Variants in CD226 observed in about 807,000 individuals in gnomAD.
The protein encoded by CD226 is CD226 antigen.
A neutral mutation model predicts 34.9 loss-of-function variants in CD226; 24 were observed. The observed-to-expected ratio is 0.69, with a 90% confidence interval of 0.50 to 0.97. The LOEUF is 0.97. Among genes scored for constraint, CD226 ranks in the 50% least tolerant of loss-of-function variants. The pLI is 0.00. For synonymous variants in CD226, 148 were observed against 147.4 expected (o/e 1.00, Z -0.03); for missense variants, 397 against 412.7 (o/e 0.96, Z 0.33).
intron 2 of CD226, among the ~76,000 whole-genome samples, chr18:69,945,695 A>C (rs2055780543): frequency 6.6e-6 from 1 of 152,156 alleles, no homozygotes; most frequent in Non-Finnish European, 1.5e-5. Flanking sequence ...CTCTACAAAA[A>C]ATACAACAAT....
At chr18:69,953,675 T>C (rs2055872567) in intron 1 of CD226, among the ~76,000 whole-genome samples, 1 of 152,196 alleles carries the variant, frequency 6.6e-6, no homozygotes. Flanking sequence ...ACTGTGGATG[T>C]ACTAAATACC....
intron 3 of CD226, among the ~76,000 whole-genome samples, chr18:69,886,141 C>T (rs747024387): frequency 1.3e-5 from 2 of 152,094 alleles, no homozygotes; most frequent in African/African-American, 2.4e-5. Flanking sequence ...CCAGTCAGCC[C>T]GCATCTGAAT....
chr18:69,878,743 G>T (rs533291479), intron 3 of CD226, among the ~76,000 whole-genome samples: 1 of 152,076 alleles, frequency 6.6e-6, no homozygotes, highest in Non-Finnish European at 1.5e-5. Flanking sequence ...GGTTTTCGCC[G>T]CCATCATGGT....
intron 2 of CD226, among the ~76,000 whole-genome samples, chr18:69,917,356 C>T (rs969600753): frequency 7.2e-5 from 11 of 152,298 alleles, no homozygotes; most frequent in Admixed American, 1.3e-4. Context: ...CTCCATCTCA[C>T]GTCTGAACTC....
chr18:69,918,284 G>C (rs1473686899), intron 2 of CD226, among the ~76,000 whole-genome samples: 1 of 152,214 alleles, frequency 6.6e-6, no homozygotes, highest in Non-Finnish European at 1.5e-5. Context: ...CAGGCACGGT[G>C]GCTCACGCCT....
At chr18:69,871,793 G>T (rs941027653) in intron 4 of CD226, among the ~76,000 whole-genome samples, 1 of 152,196 alleles carries the variant, frequency 6.6e-6, no homozygotes, top group South Asian at 2.1e-4. Flanking sequence ...CTTCAGTCAG[G>T]GTTAATGACA....
chr18:69,868,949 T>G (rs1221439520), intron 4 of CD226, among the ~76,000 whole-genome samples: 2 of 152,234 alleles, frequency 1.3e-5, no homozygotes, highest in Non-Finnish European at 2.9e-5. Flanking sequence ...AGCTGAGTTA[T>G]TTATGTCTTT....
chr18:69,890,488 A>C (rs893662970), intron 3 of CD226, among the ~76,000 whole-genome samples: 3 of 152,182 alleles, frequency 2.0e-5, no homozygotes, highest in Admixed American at 1.3e-4. Flanking sequence ...AAATAGATGG[A>C]AGTTAATAAG....
intron 2 of CD226, among the ~76,000 whole-genome samples, chr18:69,927,543 A>G (rs190227300): frequency 2.4e-3 from 362 of 152,080 alleles, no homozygotes; most frequent in Admixed American, 7.3e-3. Flanking sequence ...CTGTTCTCCC[A>G]TCCCCCACCC....
upstream of CD226, among the ~76,000 whole-genome samples, chr18:69,951,943 G>T (rs867541329): frequency 5.3e-5 from 8 of 152,122 alleles, no homozygotes; most frequent in African/African-American, 1.9e-4. Flanking sequence ...CAAAGGAAAA[G>T]AAATCATTAT....
At chr18:69,936,867 C>T (rs1236530555) in intron 2 of CD226, among the ~76,000 whole-genome samples, 1 of 152,148 alleles carries the variant, frequency 6.6e-6, no homozygotes, top group African/African-American at 2.4e-5. Context: ...GAATTGGTGA[C>T]CCTTATAACA....
chr18:69,933,428 C>T (rs1229677178), intron 2 of CD226, among the ~76,000 whole-genome samples: 1 of 152,140 alleles, frequency 6.6e-6, no homozygotes, highest in Non-Finnish European at 1.5e-5. Context: ...TCCTGCCAGC[C>T]CTTGTCTCCA....
At chr18:69,941,976 G>A (rs2055730581) in intron 2 of CD226, among the ~76,000 whole-genome samples, 1 of 152,158 alleles carries the variant, frequency 6.6e-6, no homozygotes. Flanking sequence ...GTGACAGTGA[G>A]TGAATTCTCA....
At chr18:69,930,217 G>A (rs2055572604) in intron 2 of CD226, among the ~76,000 whole-genome samples, 1 of 152,148 alleles carries the variant, frequency 6.6e-6, no homozygotes, top group African/African-American at 2.4e-5. Flanking sequence ...GAAGGCTGTT[G>A]CAATATGGTT....
chr18:69,960,849 A>G (rs2055926400), upstream of CD226, among the ~76,000 whole-genome samples: 2 of 152,248 alleles, frequency 1.3e-5, no homozygotes, highest in African/African-American at 4.8e-5. Context: ...AACTAACAGC[A>G]ACCTTGATAG....
At chr18:69,956,870 G>C (rs947743000) in exon 1 of CD226, 1 of 152,310 alleles carries the variant, frequency 6.6e-6, no homozygotes, top group Admixed American at 6.5e-5. Context: ...CTTGGTCACT[G>C]CAAGCTCCCC....
chr18:69,875,591 G>A (rs1983815892), intron 3 of CD226, among the ~76,000 whole-genome samples: 1 of 152,202 alleles, frequency 6.6e-6, no homozygotes, highest in South Asian at 2.1e-4. Context: ...TCTAATAGGT[G>A]TGAGGTGAGA....
rs1217924286 is a variant in CD226 at position 69,857,298 on chromosome 18, A to C, written c.*7016T>G. On this transcript the variant is annotated 3_prime_UTR_variant, in exon 6 of 6. Coordinates refer to ENST00000582621, the MANE Select transcript of CD226 (RefSeq NM_001303618.2). ...CATTACATTTCTTTGTACATTTTTT[A>C]TGTGAGCTAAAATCAAAATTTGCTT... 6.6e-6 allele frequency: 1 copy of C among 152,252 alleles called. No homozygotes were observed. Among genetic ancestry groups the C allele is most frequent in the Non-Finnish European group, 1.5e-5 (1 of 68,032 alleles). 9.4% of individuals were successfully genotyped at this position (152,252 alleles called of 1,614,324 possible). A position where few individuals can be genotyped will look rare whatever the true frequency, so the allele number is the denominator to read the frequency against.
upstream of CD226, among the ~76,000 whole-genome samples, chr18:69,958,048 T>C (rs998754697): frequency 2.0e-5 from 3 of 152,162 alleles, no homozygotes; most frequent in African/African-American, 7.2e-5. Flanking sequence ...TCACCTCTTA[T>C]CCCTCTCCCA....
Sources: gnomAD v4.1 joint callset for allele counts (sites outside exome capture counted in the v4.1 genomes callset) on GRCh38, gnomAD v4.1.1 for gene constraint, MANE v1.5 for transcripts, NCBI Gene and HGNC (gene_info 2026-07-23, HGNC 2026-07-21) for gene names.